PLEC: variants seen among roughly 807,000 people sequenced by gnomAD.
The protein encoded by PLEC is hemidesmosomal protein 1.
In PLEC, 216 loss-of-function variants were observed where a neutral mutation model predicts 392.8. The observed-to-expected ratio is 0.55, with a 90% CI of 0.49 to 0.62. The LOEUF (loss-of-function observed/expected upper bound fraction) is 0.62. PLEC is among the 20% of genes least tolerant of loss of function. The pLI is 0.00. For missense variants in PLEC, 6,863 were observed against 6,563.4 expected (o/e 1.05, Z -1.58); for synonymous variants, 3,621 against 2,980.6 (o/e 1.21, Z -7.00).
In PLEC at chr8:143,923,695, C is replaced by T; in HGVS notation, c.6234G>A (p.Gln2078=). 1 of 1,546,142 alleles carries T rather than the reference C, an allele frequency of 6.5e-7. No homozygotes were observed. Among genetic ancestry groups the T allele is most frequent in the Non-Finnish European group, 8.7e-7 (1 of 1,151,904 alleles). ...TLQQEQSVLD[Q]LRGEAEAARR... is the part of the protein sequence containing the mutation. Reference sequence around the variant, plus strand: ...GGGCCGCCTCCGCCTCGCCGCGCAGCTGGTCCAGCACGCTCTGCTCCTGCT... The same window carrying T: ...GGGCCGCCTCCGCCTCGCCGCGCAGTTGGTCCAGCACGCTCTGCTCCTGCT... Residue 2078 remains glutamine (Q), a synonymous_variant, in exon 31 of 32, where the codon CAG becomes CAA. Transcript: ENST00000345136.
In PLEC at chr8:143,916,836, G is replaced by T; in HGVS notation, c.12985C>A (p.Arg4329Ser). The T allele has an allele frequency of 6.2e-7, 1 of 1,612,668 alleles. No individual in the cohort carries two copies. Among genetic ancestry groups the T allele is most frequent in the Non-Finnish European group, 8.5e-7 (1 of 1,179,872 alleles). ...TTGACGGCGTCGGTGACAGGGAAGC[G>T]CTCACCGGTGCTGGGGTCGATGATG... ...GGIIDPSTGE[R>S]FPVTDAVNKG... The change falls in exon 32 of 32, where the codon CGC (arginine) becomes AGC (serine). Residue 4329 changes from arginine to serine, a missense_variant. Arg to Ser is a moderately radical substitution (Grantham distance 110). Coordinates refer to ENST00000345136, the MANE Select transcript of PLEC (RefSeq NM_201384.3).
chr8:143,931,711 C>G (rs1554715684), intron 18 of PLEC, 52 bp from the exon 19 acceptor site: 5 of 1,573,148 alleles, frequency 3.2e-6, no homozygotes, highest in Non-Finnish European at 4.3e-6. Flanking sequence ...AGAGCCCCAG[C>G]CCACAGTTGT....
upstream of PLEC, among the ~76,000 whole-genome samples, chr8:143,951,029 G>T (rs1212598180): frequency 1.5e-4 from 23 of 152,204 alleles, no homozygotes; most frequent in Admixed American, 1.5e-3. Context: ...TGTAGAGTGG[G>T]GGGCACCTCA....
chr8:143,918,458 T>G lies in PLEC; in HGVS notation c.11363A>C (p.Lys3788Thr), dbSNP rs1554675332. The G allele has an allele frequency of 6.3e-7, 1 of 1,590,774 alleles. No individual in the cohort carries two copies. Among genetic ancestry groups the G allele is most frequent in the South Asian group, 1.1e-5 (1 of 88,954 alleles). ...GGCCTCCTCAGTAGGGATCAGCTCCTTCTTCATGGCCTGGAAGAGCGAGAT... is the reference window on the plus strand; with the variant it reads ...GGCCTCCTCAGTAGGGATCAGCTCCGTCTTCATGGCCTGGAAGAGCGAGAT... ...QTISLFQAMK[K>T]ELIPTEEALR... The change falls in exon 32 of 32, where the codon AAG becomes ACG. Residue 3788 changes from lysine to threonine, a missense_variant. Physicochemically the swap from Lys to Thr is moderately conservative, Grantham distance 78. Transcript: ENST00000345136.
chr8:143,926,644 G>A (rs1825287622), intron 30 of PLEC, 140 bp downstream of exon 30: 6 of 783,338 alleles, frequency 7.7e-6, no homozygotes, highest in Admixed American at 7.1e-5. Context: ...TGAGCTGGGG[G>A]CAGGGGGTGC....
At chr8:143,953,714 C>G, upstream of PLEC, 1 of 1,610,502 alleles carries the variant, frequency 6.2e-7, no homozygotes, top group Non-Finnish European at 8.5e-7. Flanking sequence ...GGGCCCGGCC[C>G]CAGGACCGCA....
upstream of PLEC, chr8:143,943,733 C>T: frequency 6.4e-7 from 1 of 1,565,166 alleles, no homozygotes; most frequent in South Asian, 1.1e-5. Context: ...GGCAGGCGGC[C>T]CCTCTGCCCC....
At position 143,926,697 on chromosome 8, in the gene PLEC, G is replaced by A. The variant is rs550186535; in HGVS notation, c.4044+87C>T. 1.7e-4 allele frequency: 184 copies of A among 1,106,364 alleles called. 2 individuals are homozygous for A. In the South Asian group the frequency reaches 2.2e-3, roughly 13 times the overall value. 68.5% of individuals were successfully genotyped at this position (1,106,364 alleles called of 1,614,324 possible). ...AGAGTGGGGAGGGCCACGAGAGGTGGCCTCAGGCAGCTCCTGTGGCTGTGT... is the reference window on the plus strand; with the variant it reads ...AGAGTGGGGAGGGCCACGAGAGGTGACCTCAGGCAGCTCCTGTGGCTGTGT... On this transcript the variant is annotated intron_variant, in intron 30 of 31. Transcript: ENST00000345136.
intron 6 of PLEC, among the ~76,000 whole-genome samples, chr8:143,935,576 A>G (rs1312956642): frequency 1.3e-5 from 2 of 152,166 alleles, no homozygotes. Flanking sequence ...CCTCCCCACC[A>G]GGCCCCTCCG....
chr8:143,933,283 C>A lies in PLEC; in HGVS notation c.1332G>T (p.Lys444Asn). 14 of 1,613,216 alleles carry A rather than the reference C, an allele frequency of 8.7e-6. No homozygotes were observed. The highest frequency in any genetic ancestry group is 1.2e-5 in the Non-Finnish European group (14 of 1,179,976). The change falls in exon 13 of 32, where the codon AAG becomes AAT. Residue 444 changes from lysine (K) to asparagine (N), a missense_variant. Lys to Asn is a moderately conservative substitution (Grantham distance 94). Coordinates refer to ENST00000345136, the MANE Select transcript of PLEC (RefSeq NM_201384.3). ...AGAGCAGCCGGATCATGCTATCCGC[C>A]TTGTCCAAGTCCCGTTCCACCTCCC... Reference protein sequence around the residue: ...RAGEVERDLDKADSMIRLLFN... With the variant: ...RAGEVERDLDNADSMIRLLFN...
intron 18 of PLEC, 85 bp downstream of exon 18, chr8:143,931,852 C>A: frequency 2.1e-6 from 3 of 1,433,606 alleles, no homozygotes; most frequent in Non-Finnish European, 2.9e-6. Context: ...GACAGGAGGG[C>A]TCCTGATTGG....
rs2131083157 is a variant in PLEC at position 143,920,528 on chromosome 8, G to A, written c.9293C>T (p.Ala3098Val). Residue 3098 changes from alanine (A) to valine (V), a missense_variant, in exon 32 of 32, where the codon GCC becomes GTC. Transcript: ENST00000345136. ...CCTGTACCCTGTCACAGCCTTCTCG[G>A]CTGATAGCAGCTTCTCATGAAACTC... ...GPEFHEKLLS[A>V]EKAVTGYRDP... 2 of 1,611,368 alleles carry A rather than the reference G, an allele frequency of 1.2e-6. No homozygotes were observed. The highest frequency in any genetic ancestry group is 1.7e-6 in the Non-Finnish European group (2 of 1,179,554).
chr8:143,948,624 G>T (rs550153433), intron 1 of PLEC, among the ~76,000 whole-genome samples: 2 of 152,230 alleles, frequency 1.3e-5, no homozygotes, highest in East Asian at 3.9e-4. Context: ...GCTGCTGGCG[G>T]CTGTGGCTTT....
At chr8:143,962,348 G>C (rs1399350233) in intron 1 of PLEC, among the ~76,000 whole-genome samples, 2 of 152,234 alleles carry the variant, frequency 1.3e-5, no homozygotes, top group African/African-American at 2.4e-5. Flanking sequence ...TTCGGAGAAA[G>C]CGTGGACCTG....
At position 143,924,844 on chromosome 8, in the gene PLEC, C is replaced by T. The variant is rs782310228; in HGVS notation, c.5085G>A (p.Glu1695=). 1.9e-6 allele frequency: 3 copies of T among 1,583,792 alleles called. No homozygotes were observed. Residue 1695 remains glutamate, a synonymous_variant, in exon 31 of 32, where the codon GAG becomes GAA. Transcript: ENST00000345136. ...TGCCTTCCGCCAGCTGCCGCTGCTTCTCCAGCTCTTGTTCAGCCAGCTCCC... is the reference window on the plus strand; with the variant it reads ...TGCCTTCCGCCAGCTGCCGCTGCTTTTCCAGCTCTTGTTCAGCCAGCTCCC... ...RQRELAEQEL[E]KQRQLAEGTA...
rs782777267 is a variant in PLEC, at chr8:143,922,279, G to A, written c.7542C>T (p.Ala2514=). ...QRERFIEQEK[A]KLEQLFQDEV... ...CGTCCTGGAAGAGCTGCTCCAGCTTGGCCTTCTCCTGCTCGATGAAGCGCT... is the reference window on the plus strand; with the variant it reads ...CGTCCTGGAAGAGCTGCTCCAGCTTAGCCTTCTCCTGCTCGATGAAGCGCT... The change falls in exon 32 of 32, where the codon GCC becomes GCT. Residue 2514 remains alanine (A), a synonymous_variant. Coordinates refer to ENST00000345136, the MANE Select transcript of PLEC (RefSeq NM_201384.3). 9.3e-6 allele frequency: 15 copies of A among 1,605,458 alleles called. No homozygotes were observed. The Admixed American group carries it at 1.5e-4, about 16-fold the overall frequency.
upstream of PLEC, among the ~76,000 whole-genome samples, chr8:143,957,269 C>T (rs1344878731): frequency 1.3e-5 from 2 of 152,194 alleles, no homozygotes; most frequent in Non-Finnish European, 2.9e-5. Context: ...GATCTCATCG[C>T]TCTGGCCCCA....
At chr8:143,933,150 TG>T (rs782352595) in intron 13 of PLEC, 39 bp from the exon 14 acceptor site, 247 of 1,541,574 alleles carry the variant, frequency 1.6e-4, no homozygotes, top group Non-Finnish European at 5.2e-5. Flanking sequence ...TTGGCGGGCC[TG>T]GGGCCGTGTG....
At chr8:143,956,430 C>T (rs947184468), upstream of PLEC, among the ~76,000 whole-genome samples, 4 of 152,170 alleles carry the variant, frequency 2.6e-5, no homozygotes, top group African/African-American at 4.8e-5. Flanking sequence ...TATCCTGACA[C>T]GGTGGCCTGG....
Sources: allele counts gnomAD v4.1 joint callset (sites outside exome capture counted in the v4.1 genomes callset), GRCh38; gene constraint gnomAD v4.1.1; transcripts MANE v1.5; gene names NCBI Gene and HGNC (gene_info 2026-07-23, HGNC 2026-07-21).